MEF2A: variants seen among roughly 807,000 people sequenced by gnomAD.
The protein encoded by MEF2A is myocyte enhancer factor 2A.
A neutral mutation model predicts 55.8 loss-of-function variants in MEF2A; 28 were observed. The ratio of observed to expected loss-of-function variants is 0.50; its 90% CI spans 0.37 to 0.69. The LOEUF (loss-of-function observed/expected upper bound fraction) is 0.69, where lower values mean the gene tolerates loss of function less well. MEF2A is among the 30% of genes least tolerant of loss of function. MEF2A has a pLI of 0.00. For missense variants in MEF2A, 528 were observed against 626.2 expected (o/e 0.84, Z 1.67); for synonymous variants, 239 against 227.1 (o/e 1.05, Z -0.47).
chr15:99,692,844 C>G (rs1302693894), intron 8 of MEF2A, among the ~76,000 whole-genome samples: 1 of 152,142 alleles, frequency 6.6e-6, no homozygotes, highest in Non-Finnish European at 1.5e-5. Context: ...CATTATCACT[C>G]TTAGGGCACT....
At position 99,710,820 on chromosome 15, in the gene MEF2A, A is replaced by G; in HGVS notation, c.1136+60A>G. The G allele has an allele frequency of 1.9e-6, 3 of 1,542,966 alleles. 1 individual carries two copies. In the South Asian group the frequency reaches 3.6e-5, roughly 18 times the overall value. ...CCTGGCCTACACACTCTCTTTTCCT[A>G]TCAGTGACAGCCTTTTGCTCTGTTG... On this transcript the variant is annotated intron_variant, in intron 11 of 11. Transcript: ENST00000557942.
chr15:99,618,180 A>T (rs545623625), intron 2 of MEF2A, among the ~76,000 whole-genome samples: 1 of 152,160 alleles, frequency 6.6e-6, no homozygotes, highest in African/African-American at 2.4e-5. Flanking sequence ...TGCTTTATAG[A>T]TATTAGAACC....
intron 8 of MEF2A, among the ~76,000 whole-genome samples, chr15:99,693,727 C>G (rs1325140403): frequency 6.6e-6 from 1 of 152,054 alleles, no homozygotes; most frequent in Non-Finnish European, 1.5e-5. Context: ...ACCTGCTCTA[C>G]AAGAAATGTT....
intron 1 of MEF2A, among the ~76,000 whole-genome samples, chr15:99,570,116 A>C (rs1961518811): frequency 6.6e-6 from 1 of 152,128 alleles, no homozygotes; most frequent in Admixed American, 6.5e-5. Context: ...TCATAAGCAT[A>C]TGAGTTAAAA....
chr15:99,663,177 G>A (rs190483496), intron 4 of MEF2A, among the ~76,000 whole-genome samples: 1 of 151,896 alleles, frequency 6.6e-6, no homozygotes, highest in East Asian at 1.9e-4. Flanking sequence ...AAAATGTAGT[G>A]TCATATGTCA....
At chr15:99,654,908 C>T (rs577370778) in intron 4 of MEF2A, among the ~76,000 whole-genome samples, 2 of 152,186 alleles carry the variant, frequency 1.3e-5, no homozygotes, top group Admixed American at 6.5e-5. Flanking sequence ...CCACATGTGG[C>T]GATTGGTTAC....
intron 9 of MEF2A, among the ~76,000 whole-genome samples, chr15:99,706,084 A>G (rs984104448): frequency 6.6e-6 from 1 of 152,210 alleles, no homozygotes. Context: ...AAAAGCATTT[A>G]ATATTGCTCT....
intron 2 of MEF2A, among the ~76,000 whole-genome samples, chr15:99,601,518 T>G (rs991439694): frequency 6.6e-5 from 10 of 151,430 alleles, no homozygotes; most frequent in Admixed American, 2.6e-4. Flanking sequence ...GAGTTTTTTT[T>G]TTTTTTTTTT....
chr15:99,566,941 G>C (rs1959893329), intron 1 of MEF2A, among the ~76,000 whole-genome samples: 1 of 152,342 alleles, frequency 6.6e-6, no homozygotes, highest in East Asian at 1.9e-4. Context: ...AATATTTTTT[G>C]TGTTAGAAAC....
chr15:99,591,404 ATTATC>A (rs1407623174), intron 1 of MEF2A, among the ~76,000 whole-genome samples: 2 of 151,874 alleles, frequency 1.3e-5, no homozygotes, highest in African/African-American at 4.8e-5. Flanking sequence ...TCTGGTAATT[ATTATC>A]TTTGTTCCTC....
rs1047369489 is a variant in MEF2A, at chr15:99,651,472, A to G, written c.258+5708A>G. Reference sequence around the variant, plus strand: ...CTTGCCTAATGTTTTACAGGGCTGCAGTGGAGCATCAGGGAAAGGGAAAAA... The same window carrying G: ...CTTGCCTAATGTTTTACAGGGCTGCGGTGGAGCATCAGGGAAAGGGAAAAA... On this transcript the variant is annotated intron_variant, in intron 4 of 11. Transcript: ENST00000557942. Among the ~76,000 whole-genome samples, 4 of 152,332 alleles carry G rather than the reference A, an allele frequency of 2.6e-5. No individual in the cohort carries two copies. In the East Asian group the frequency reaches 7.7e-4, roughly 29 times the overall value.
At chr15:99,610,018 T>A (rs1016415966) in intron 2 of MEF2A, among the ~76,000 whole-genome samples, 3 of 152,108 alleles carry the variant, frequency 2.0e-5, no homozygotes, top group Non-Finnish European at 4.4e-5. Context: ...TTTTTTTTCA[T>A]TCTAGTGGAT....
intron 2 of MEF2A, among the ~76,000 whole-genome samples, chr15:99,607,020 A>G (rs999253763): frequency 1.3e-5 from 2 of 152,218 alleles, no homozygotes; most frequent in African/African-American, 2.4e-5. Context: ...GATAAATATC[A>G]CAAGATGTTT....
At chr15:99,566,739 G>T (rs1438138316) in intron 1 of MEF2A, 3 of 152,334 alleles carry the variant, frequency 2.0e-5, no homozygotes, top group African/African-American at 7.2e-5. Context: ...GGAGAAGATT[G>T]GTCTAACGGG....
At chr15:99,572,104 C>T (rs1258147159) in intron 1 of MEF2A, among the ~76,000 whole-genome samples, 1 of 146,118 alleles carries the variant, frequency 6.8e-6, no homozygotes, top group East Asian at 2.1e-4. Context: ...TTAAAATCTT[C>T]TGGTGACTTC....
At chr15:99,656,469 C>T (rs1426365152) in intron 4 of MEF2A, among the ~76,000 whole-genome samples, 1 of 152,062 alleles carries the variant, frequency 6.6e-6, no homozygotes, top group African/African-American at 2.4e-5. Context: ...ATCTTAGTAG[C>T]TAGTGGCCAC....
intron 9 of MEF2A, 92 bp downstream of exon 9, chr15:99,703,477 T>C (rs1316985754): frequency 1.5e-6 from 2 of 1,317,178 alleles, no homozygotes; most frequent in East Asian, 2.5e-5. Context: ...GTTCCCTTTG[T>C]TACACAAATT....
chr15:99,630,338 G>T (rs1271170682), intron 2 of MEF2A, among the ~76,000 whole-genome samples: 1 of 151,636 alleles, frequency 6.6e-6, no homozygotes, highest in African/African-American at 2.4e-5. Flanking sequence ...TGTCTTCTGG[G>T]TTGATTCTTT....
rs777587851 is a variant in MEF2A at position 99,674,584 on chromosome 15, T to C, written c.582T>C (p.Pro194=). 6.2e-7 allele frequency: 1 copy of C among 1,613,854 alleles called. No homozygotes were observed. Among genetic ancestry groups the C allele is most frequent in the Non-Finnish European group, 8.5e-7 (1 of 1,179,772 alleles). ...ATAGAAATGTGTCTCCTGGAGCTCC[T>C]CAGAGACCACCAAGTACTGGCAATG... is the stretch of plus-strand genomic sequence containing the variant. ...TLHRNVSPGA[P]QRPPSTGNAG... is the part of the protein sequence containing the mutation. The change falls in exon 6 of 12, where the codon CCT becomes CCC. Residue 194 remains proline, a synonymous_variant. Transcript: ENST00000557942.
Sources: allele counts gnomAD v4.1 joint callset (sites outside exome capture counted in the v4.1 genomes callset), GRCh38; gene constraint gnomAD v4.1.1; transcripts MANE v1.5; gene names NCBI Gene and HGNC (gene_info 2026-07-23, HGNC 2026-07-21).